Variants in PHACTR2 observed in about 807,000 individuals in gnomAD.
PHACTR2 encodes phosphatase and actin regulator 2, also known as chromosome 6 open reading frame 56.
In PHACTR2, 30 loss-of-function variants were observed where a neutral mutation model predicts 76.0. The observed-to-expected ratio is 0.39, with a 90% CI of 0.30 to 0.54. The LOEUF is 0.54. Ranked by LOEUF, PHACTR2 falls within the 20% of genes least tolerant of loss-of-function variation. The pLI is 0.61. For synonymous variants in PHACTR2, 292 were observed against 292.5 expected, an observed-to-expected ratio of 1.00 and a Z score of 0.02; for missense variants, 696 against 781.1, an observed-to-expected ratio of 0.89 and a Z score of 1.30.
upstream of PHACTR2, among the ~76,000 whole-genome samples, chr6:143,676,767 T>C (rs1433370459): frequency 6.6e-6 from 1 of 152,146 alleles, no homozygotes; most frequent in East Asian, 1.9e-4. The surrounding 1 kb of genome is among the most constrained non-coding windows in gnomAD (Gnocchi z 4.8). Context: ...TCAGTGTTTC[T>C]TAAGAGTGAA....
intron 6 of PHACTR2, among the ~76,000 whole-genome samples, chr6:143,768,151 C>A (rs1273493443): frequency 6.6e-6 from 1 of 152,128 alleles, no homozygotes; most frequent in East Asian, 1.9e-4. Flanking sequence ...TAAATTTTAA[C>A]CCATGAATTC....
chr6:143,817,047 CAG>C (rs1361049465), intron 12 of PHACTR2, among the ~76,000 whole-genome samples: 2 of 152,162 alleles, frequency 1.3e-5, no homozygotes, highest in Non-Finnish European at 2.9e-5. Context: ...GACTGTGTGA[CAG>C]AGTGAGACGG....
rs911606943 is a variant in PHACTR2 at position 143,664,691 on chromosome 6, C to T, written c.14-47325C>T. Among the ~76,000 whole-genome samples the T allele has an allele frequency of 3.9e-5, 6 of 152,134 alleles. No individual in the cohort carries two copies. The highest frequency in any genetic ancestry group is 1.9e-4 in the East Asian group (1 of 5,194). On this transcript the variant is annotated intron_variant, in intron 1 of 11. Transcript: ENST00000305766. This position sits in a 1 kb window ranked among gnomAD's most constrained non-coding sequence, Gnocchi z 5.1. ...TTCACTACTTCCTCATTTGCAGAGC[C>T]GATAGTTTATTAAATTCACCATCAT...
chr6:143,706,917 C>T (rs1043675158), intron 1 of PHACTR2, among the ~76,000 whole-genome samples: 1 of 152,130 alleles, frequency 6.6e-6, no homozygotes, highest in African/African-American at 2.4e-5. Flanking sequence ...GCTTCTGTGC[C>T]CAGATGTTGT....
intron 2 of PHACTR2, among the ~76,000 whole-genome samples, chr6:143,744,347 A>G (rs1020434781): frequency 1.3e-5 from 2 of 152,194 alleles, no homozygotes; most frequent in African/African-American, 4.8e-5. Flanking sequence ...TATTCAACAA[A>G]TACACATATT....
intron 1 of PHACTR2, among the ~76,000 whole-genome samples, chr6:143,614,266 G>A (rs905368061): frequency 2.0e-5 from 3 of 152,064 alleles, no homozygotes; most frequent in African/African-American, 7.2e-5. Context: ...TTTCCTGTGG[G>A]TGCTAATATT....
rs1775699183 is a variant in PHACTR2 at position 143,592,165 on chromosome 6, A to G, written c.217+54958A>G. Among the ~76,000 whole-genome samples the G allele has an allele frequency of 6.6e-6, 1 of 152,162 alleles. No homozygotes were observed. The highest frequency in any genetic ancestry group is 2.4e-5 in the African/African-American group (1 of 41,434). Reference sequence around the variant, plus strand: ...AAGGTGTATTGGTTAAGGCTGGAGGATAGAACATATGGTAACTAATAGTTC... The same window carrying G: ...AAGGTGTATTGGTTAAGGCTGGAGGGTAGAACATATGGTAACTAATAGTTC... On this transcript the variant is annotated intron_variant, in intron 1 of 11. Transcript: ENST00000367584. This position sits in a 1 kb window ranked among gnomAD's most constrained non-coding sequence, Gnocchi z 4.0.
rs1233635417 is a variant in PHACTR2 at position 143,801,331 on chromosome 6, C to A, written c.1846-5726C>A. 6.6e-6 allele frequency among the ~76,000 whole-genome samples: 1 copy of A among 152,204 alleles called. No individual in the cohort carries two copies. Among genetic ancestry groups the A allele is most frequent in the Admixed American group, 6.5e-5 (1 of 15,272 alleles). The stretch of plus-strand genomic sequence containing the variant: ...CTATTCTCCCCATCACTTTCAGGTA[C>A]ACCAATCAAACGTAGATTTGGTCTT... On this transcript the variant is annotated intron_variant, in intron 11 of 12. Coordinates refer to ENST00000440869, the MANE Select transcript of PHACTR2 (RefSeq NM_001100164.2). This position sits in a 1 kb window ranked among gnomAD's most constrained non-coding sequence, Gnocchi z 4.6.
rs189692238 is a variant in PHACTR2 at position 143,823,688 on chromosome 6, A to G, written c.1937A>G (p.Ter646=). 2 of 1,611,598 alleles carry G rather than the reference A, an allele frequency of 1.2e-6. No homozygotes were observed. Among genetic ancestry groups the G allele is most frequent in the Admixed American group, 3.3e-5 (2 of 60,016 alleles). The change falls in exon 13 of 13, where the codon TAA becomes TGA. Residue 646 remains the stop codon, a stop_retained_variant. Transcript: ENST00000440869. This position sits in a 1 kb window ranked among gnomAD's most constrained non-coding sequence, Gnocchi z 5.7. Reference sequence around the variant, plus strand: ...TCTTACTCCAGGTTTCATCGTCCATAACGAAGAGTGAGACTATTTGGAAAC... The same window carrying G: ...TCTTACTCCAGGTTTCATCGTCCATGACGAAGAGTGAGACTATTTGGAAAC... The part of the protein sequence containing the change: ...SRQFTRFHRP[*]
At chr6:143,631,449 C>G (rs1383091643) in intron 1 of PHACTR2, among the ~76,000 whole-genome samples, 1 of 152,126 alleles carries the variant, frequency 6.6e-6, no homozygotes, top group Non-Finnish European at 1.5e-5. Context: ...CTTCCTCGGC[C>G]TCCTAAAGTG....
At chr6:143,713,276 A>G (rs1189334797) in intron 2 of PHACTR2, among the ~76,000 whole-genome samples, 1 of 152,226 alleles carries the variant, frequency 6.6e-6, no homozygotes, top group African/African-American at 2.4e-5. Flanking sequence ...TTTATATTTA[A>G]CAAGAAATAA....
At chr6:143,614,929 T>C (rs1776037961) in intron 1 of PHACTR2, among the ~76,000 whole-genome samples, 1 of 152,222 alleles carries the variant, frequency 6.6e-6, no homozygotes, top group Non-Finnish European at 1.5e-5. Flanking sequence ...TGATGTAAGA[T>C]GTTATATGTA....
intron 1 of PHACTR2, among the ~76,000 whole-genome samples, chr6:143,551,839 G>T (rs1775099571): frequency 6.6e-6 from 1 of 152,170 alleles, no homozygotes; most frequent in South Asian, 2.1e-4. Context: ...ATGGGGGGAG[G>T]CTAAGCTCTA....
chr6:143,783,298 A>G lies in PHACTR2; in HGVS notation c.1707+18A>G, dbSNP rs975063841. 2 of 1,506,798 alleles carry G rather than the reference A, an allele frequency of 1.3e-6. No individual in the cohort carries two copies. The highest frequency in any genetic ancestry group is 1.7e-5 in the Admixed American group (1 of 59,546). 93.3% of individuals were successfully genotyped at this position (1,506,798 alleles called of 1,614,324 possible). On this transcript the variant is annotated intron_variant, in intron 10 of 12. Coordinates refer to ENST00000440869, the MANE Select transcript of PHACTR2 (RefSeq NM_001100164.2). This position sits in a 1 kb window ranked among gnomAD's most constrained non-coding sequence, Gnocchi z 5.2. ...GCAGAAAGGTAATGAAATCATAACT[A>G]TTAATGAGCATATGTGTTTTGAGAT...
intron 1 of PHACTR2, among the ~76,000 whole-genome samples, chr6:143,650,138 T>C (rs1431524159): frequency 6.6e-6 from 1 of 151,994 alleles, no homozygotes; most frequent in Non-Finnish European, 1.5e-5. Context: ...ACAAGGGAAG[T>C]GAAGGACCTC....
intron 4 of PHACTR2, among the ~76,000 whole-genome samples, chr6:143,758,028 A>T (rs1340071821): frequency 6.6e-6 from 1 of 152,208 alleles, no homozygotes; most frequent in Non-Finnish European, 1.5e-5. Context: ...GTTCACACAT[A>T]GTTGGTAGCG....
In PHACTR2 at chr6:143,562,536, G is replaced by C. The variant is rs1775295425; in HGVS notation, c.217+25329G>C. ...CACCAGGCCCCACCTCCAGCACTGGGGATTACAATTTAACATAAGATTTGG... is the reference window on the plus strand; with the variant it reads ...CACCAGGCCCCACCTCCAGCACTGGCGATTACAATTTAACATAAGATTTGG... On this transcript the variant is annotated intron_variant, in intron 1 of 11. Coordinates refer to the PHACTR2 transcript ENST00000367584. This position sits in a 1 kb window ranked among gnomAD's most constrained non-coding sequence, Gnocchi z 5.1. Among the ~76,000 whole-genome samples the C allele has an allele frequency of 6.6e-6, 1 of 151,934 alleles. No homozygotes were observed. The highest frequency in any genetic ancestry group is 1.5e-5 in the Non-Finnish European group (1 of 67,992).
rs558983782 is a variant in PHACTR2, at chr6:143,593,214, C to T, written c.217+56007C>T. 6.6e-5 allele frequency among the ~76,000 whole-genome samples: 10 copies of T among 152,106 alleles called. No homozygotes were observed. In the South Asian group the frequency reaches 1.9e-3, roughly 28 times the overall value. The stretch of plus-strand genomic sequence containing the variant: ...CTGGGAATTCAAAGCAAATTATGGC[C>T]CTGTCCTCATAGGAAGTCCTGTGGG... On this transcript the variant is annotated intron_variant, in intron 1 of 11. Transcript: ENST00000367584.
rs5880566 is a variant in PHACTR2, at chr6:143,559,690, C to CTTTTT, written c.217+22515_217+22519dup. ...TAAAAATACCAGTGATTTTTCTTTTCTTTTTTTTTTTTTTTTTTTTTTTTT... is the reference window on the plus strand; with the variant it reads ...TAAAAATACCAGTGATTTTTCTTTTCTTTTTTTTTTTTTTTTTTTTTTTTTTTTTT... On this transcript the variant is annotated intron_variant, in intron 1 of 11. Coordinates refer to the PHACTR2 transcript ENST00000367584. Among the ~76,000 whole-genome samples the CTTTTT allele has an allele frequency of 4.1e-4, 13 of 31,898 alleles. 2 individuals carry two copies. The highest frequency in any genetic ancestry group is 1.2e-3 in the Admixed American group (2 of 1,652). The allele number at this position is 31,898 out of a possible 152,430, so 20.9% of individuals were successfully genotyped here.
Sources: gnomAD v4.1 joint callset for allele counts (sites outside exome capture counted in the v4.1 genomes callset) on GRCh38, gnomAD v4.1.1 for gene constraint, Gnocchi (gnomAD v3.1) non-coding constraint, MANE v1.5 for transcripts, NCBI Gene and HGNC (gene_info 2026-07-23, HGNC 2026-07-21) for gene names.